The following TNFAIP8 variants were observed in gnomAD, a reference collection of about 807,000 sequenced individuals.
TNFAIP8 encodes TNF alpha induced protein 8.
Under a neutral mutation model 13.3 loss-of-function variants are expected in TNFAIP8, and 7 were observed. The ratio of observed to expected loss-of-function variants is 0.52; its 90% CI spans 0.30 to 0.99. TNFAIP8 has a LOEUF of 0.99. Ranked by LOEUF, TNFAIP8 falls within the 50% of genes least tolerant of loss-of-function variation. TNFAIP8 has a pLI of 0.07. For missense variants in TNFAIP8, 258 were observed against 236.9 expected (o/e 1.09, Z -0.58); for synonymous variants, 94 against 87.6 (o/e 1.07, Z -0.41).
intron 1 of TNFAIP8, among the ~76,000 whole-genome samples, chr5:119,271,318 C>T (rs950646207): frequency 6.5e-4 from 99 of 152,288 alleles, no homozygotes; most frequent in African/African-American, 2.2e-3. Flanking sequence ...CAGAGGTGAT[C>T]TTTAAAGTTG....
chr5:119,383,784 T>A (rs1427530741), intron 1 of TNFAIP8, among the ~76,000 whole-genome samples: 1 of 152,202 alleles, frequency 6.6e-6, no homozygotes, highest in Non-Finnish European at 1.5e-5. Flanking sequence ...CTGTATATTC[T>A]GACTTTTGAA....
chr5:119,324,577 C>T (rs1441961322), intron 1 of TNFAIP8, among the ~76,000 whole-genome samples: 1 of 152,116 alleles, frequency 6.6e-6, no homozygotes, highest in South Asian at 2.1e-4. Flanking sequence ...ATTGCCCCAG[C>T]CGCCTCCTGA....
chr5:119,359,246 T>G (rs1751547085), intron 1 of TNFAIP8, among the ~76,000 whole-genome samples: 1 of 152,192 alleles, frequency 6.6e-6, no homozygotes, highest in African/African-American at 2.4e-5. Flanking sequence ...TCTAGGACAT[T>G]GGCACTTGCT....
chr5:119,393,049 A>C lies in TNFAIP8; in HGVS notation c.265A>C (p.Asn89His). 1 of 1,613,762 alleles carries C rather than the reference A, an allele frequency of 6.2e-7. No individual in the cohort carries two copies. The highest frequency in any genetic ancestry group is 1.1e-5 in the South Asian group (1 of 91,044). Residue 89 changes from asparagine to histidine, a missense_variant, in exon 2 of 2, where the codon AAT becomes CAT. Coordinates refer to ENST00000504771, the MANE Select transcript of TNFAIP8 (RefSeq NM_014350.4). Reference protein sequence around the residue: ...VIKLAILYRNNQFNQDELALM... With the variant: ...VIKLAILYRNHQFNQDELALM... ...CAAGCTGGCCATTCTTTATAGGAAT[A>C]ATCAGTTTAATCAAGATGAGCTAGC... is the stretch of plus-strand genomic sequence containing the variant.
At chr5:119,286,266 A>G (rs1748773601) in intron 1 of TNFAIP8, among the ~76,000 whole-genome samples, 1 of 152,086 alleles carries the variant, frequency 6.6e-6, no homozygotes, top group Non-Finnish European at 1.5e-5. Context: ...TCTTCTCAAA[A>G]CAGAAATCTC....
At chr5:119,292,577 A>G (rs1190030611) in intron 1 of TNFAIP8, among the ~76,000 whole-genome samples, 1 of 147,618 alleles carries the variant, frequency 6.8e-6, no homozygotes, top group African/African-American at 2.5e-5. Context: ...ATAGAAGATT[A>G]TACATAAGAG....
intron 1 of TNFAIP8, among the ~76,000 whole-genome samples, chr5:119,361,243 C>G (rs1262206390): frequency 6.6e-6 from 1 of 151,964 alleles, no homozygotes; most frequent in Non-Finnish European, 1.5e-5. Flanking sequence ...GCCCCCCCAG[C>G]CGCTGACCAA....
At chr5:119,293,545 C>T (rs1049565312) in intron 1 of TNFAIP8, among the ~76,000 whole-genome samples, 1 of 152,146 alleles carries the variant, frequency 6.6e-6, no homozygotes, top group Non-Finnish European at 1.5e-5. Flanking sequence ...TAAGGCTGAA[C>T]AGTATTCCAT....
chr5:119,294,239 TC>T (rs1201438144), intron 1 of TNFAIP8, among the ~76,000 whole-genome samples: 1 of 140,586 alleles, frequency 7.1e-6, no homozygotes, highest in Admixed American at 7.2e-5. Flanking sequence ...ATGTTCCCCT[TC>T]CCGTGTCCAT....
upstream of TNFAIP8, chr5:119,354,559 T>C (rs1480596534): frequency 6.6e-6 from 1 of 152,224 alleles, no homozygotes; most frequent in Non-Finnish European, 1.5e-5. Flanking sequence ...TTTATAAAAA[T>C]TTACTTTTAA....
chr5:119,351,788 C>CTTTTTTTTTTTTTTTTTTTTTTTTT (rs1177061965), upstream of TNFAIP8, among the ~76,000 whole-genome samples: 2 of 138,238 alleles, frequency 1.4e-5, no homozygotes, highest in African/African-American at 3.0e-5. Context: ...TTTTCTTTTT[C>CTTTTTTTTTTTTTTTTTTTTTTTTT]TTTTTTTCTT....
At chr5:119,352,825 A>T (rs73237292), upstream of TNFAIP8, among the ~76,000 whole-genome samples, 33,366 of 151,914 alleles carry the variant, frequency 0.22, 3,825 homozygotes, top group Non-Finnish European at 0.22. Context: ...AACCAAGGTG[A>T]CTTGGAAAGT....
chr5:119,268,942 A>G, intron 1 of TNFAIP8: 1 of 676,768 alleles, frequency 1.5e-6, no homozygotes, highest in Non-Finnish European at 2.7e-6. Context: ...TCCCGCGCAC[A>G]CTCCAGCGCG....
At chr5:119,281,211 G>A (rs10035514) in intron 1 of TNFAIP8, among the ~76,000 whole-genome samples, 136,357 of 151,444 alleles carry the variant, frequency 0.9, 61,551 homozygotes, top group East Asian at 0.96. Flanking sequence ...TAGTCCAGAC[G>A]CTGGGAATCC....
At chr5:119,317,778 G>C (rs1033256082) in intron 1 of TNFAIP8, among the ~76,000 whole-genome samples, 5 of 151,844 alleles carry the variant, frequency 3.3e-5, no homozygotes, top group Admixed American at 6.6e-5. Flanking sequence ...TTTAATTTTC[G>C]TAGAGACGGG....
intron 1 of TNFAIP8, among the ~76,000 whole-genome samples, chr5:119,283,862 TA>T (rs1460896066): frequency 6.6e-6 from 1 of 152,182 alleles, no homozygotes; most frequent in East Asian, 1.9e-4. Flanking sequence ...GGACTTGGGT[TA>T]AAAAAACAAA....
intron 1 of TNFAIP8, among the ~76,000 whole-genome samples, chr5:119,292,673 TATATATATATATAC>T (rs1749029026): frequency 2.2e-5 from 1 of 45,258 alleles, no homozygotes; most frequent in African/African-American, 7.0e-5. Context: ...TATATATATA[TATATATATATATAC>T]ACACACACAC....
At chr5:119,373,420 C>T (rs1425522195) in intron 1 of TNFAIP8, among the ~76,000 whole-genome samples, 11 of 152,276 alleles carry the variant, frequency 7.2e-5, no homozygotes, top group Middle Eastern at 6.8e-3. Flanking sequence ...CTCACCGGGA[C>T]GTCAAGACAG....
rs144884150 is a variant in TNFAIP8, at chr5:119,344,325, A to T, written c.2-48491A>T. Among the ~76,000 whole-genome samples, 66 of 152,294 alleles carry T rather than the reference A, an allele frequency of 4.3e-4. No individual in the cohort carries two copies. The East Asian group carries it at 0.011, about 26-fold the overall frequency. ...GCTCTTTTAAAGAACCAGCTCTCGC[A>T]TGAACTCATAGAGCAAGGACTCACT... On this transcript the variant is annotated intron_variant, in intron 1 of 1. Coordinates refer to the TNFAIP8 transcript ENST00000274456.
Sources: allele counts gnomAD v4.1 joint callset (sites outside exome capture counted in the v4.1 genomes callset), GRCh38; gene constraint gnomAD v4.1.1; transcripts MANE v1.5; gene names NCBI Gene and HGNC (gene_info 2026-07-23, HGNC 2026-07-21).